Variants in MET observed in about 807,000 individuals in gnomAD.
MET encodes MET proto-oncogene, receptor tyrosine kinase, also known as hepatocyte growth factor receptor.
Under a neutral mutation model 133.1 loss-of-function variants are expected in MET, and 48 were observed. The ratio of observed to expected loss-of-function variants is 0.36; its 90% CI spans 0.29 to 0.46. The LOEUF (loss-of-function observed/expected upper bound fraction) is 0.46, where lower values mean the gene tolerates loss of function less well. MET is among the 20% of genes least tolerant of loss of function. MET has a pLI of 1.00. For synonymous variants in MET, 628 were observed against 616.5 expected (o/e 1.02, Z -0.28); for missense variants, 1,442 against 1,695.9 (o/e 0.85, Z 2.63).
intron 1 of MET, among the ~76,000 whole-genome samples, chr7:116,672,778 T>C (rs2116419084): frequency 6.6e-6 from 1 of 152,164 alleles, no homozygotes; most frequent in South Asian, 2.1e-4. Context: ...TTTAGGGGGT[T>C]GCTTCTGATG....
At chr7:116,702,669 C>A (rs1324090725) in intron 2 of MET, among the ~76,000 whole-genome samples, 1 of 152,136 alleles carries the variant, frequency 6.6e-6, no homozygotes. Flanking sequence ...TGAAAAGACA[C>A]ACATATTGTA....
intron 1 of MET, 111 bp downstream of exon 1, chr7:116,672,688 A>C: frequency 2.7e-6 from 1 of 372,158 alleles, no homozygotes; most frequent in Non-Finnish European, 4.8e-6. Context: ...AAAACCACGT[A>C]GGTGGGCTAG....
At chr7:116,681,584 G>A (rs991186035) in intron 1 of MET, among the ~76,000 whole-genome samples, 5 of 152,090 alleles carry the variant, frequency 3.3e-5, no homozygotes, top group African/African-American at 4.8e-5. Flanking sequence ...TTCTAAATAC[G>A]AATTTAGACA....
rs781777052 is a variant in MET at position 116,699,121 on chromosome 7, G to A, written c.37G>A (p.Val13Met). The stretch of plus-strand genomic sequence containing the variant: ...CGCTGTGCTTGCACCTGGCATCCTC[G>A]TGCTCCTGTTTACCTTGGTGCAGAG... The part of the protein sequence containing the change: ...APAVLAPGIL[V>M]LLFTLVQRSN... Residue 13 changes from valine (V) to methionine (M), a missense_variant, in exon 2 of 21, where the codon GTG becomes ATG. Val to Met is a conservative substitution (Grantham distance 21). This residue lies in a region of MET where 762 missense variants were observed against 792.4 expected (regional missense o/e 0.96). Coordinates refer to ENST00000397752, the MANE Select transcript of MET (RefSeq NM_000245.4). 39 of 1,613,702 alleles carry A rather than the reference G, an allele frequency of 2.4e-5. No individual in the cohort carries two copies. The highest frequency in any genetic ancestry group is 3.3e-5 in the Admixed American group (2 of 59,956).
At chr7:116,682,586 T>A (rs1272870635) in intron 1 of MET, among the ~76,000 whole-genome samples, 3 of 152,224 alleles carry the variant, frequency 2.0e-5, no homozygotes, top group Non-Finnish European at 4.4e-5. Context: ...ACTGAGTTCA[T>A]AATTATGTAA....
intron 5 of MET, among the ~76,000 whole-genome samples, chr7:116,741,663 G>A (rs1235537330): frequency 6.6e-6 from 1 of 152,152 alleles, no homozygotes; most frequent in East Asian, 1.9e-4. Context: ...ACACCCATGG[G>A]TGGCTGTGAG....
chr7:116,779,350 C>A (rs1330062336), intron 17 of MET, among the ~76,000 whole-genome samples: 1 of 152,200 alleles, frequency 6.6e-6, no homozygotes, highest in Non-Finnish European at 1.5e-5. Flanking sequence ...CCTTGCTGTT[C>A]CTTGTCCTTG....
chr7:116,726,788 G>C (rs556438585), intron 2 of MET, among the ~76,000 whole-genome samples: 4 of 152,200 alleles, frequency 2.6e-5, no homozygotes, highest in Non-Finnish European at 5.9e-5. Context: ...TTTCCTGCAG[G>C]CCTTTGGGAA....
intron 2 of MET, among the ~76,000 whole-genome samples, chr7:116,707,669 A>G (rs1472908014): frequency 1.3e-5 from 2 of 152,182 alleles, no homozygotes; most frequent in African/African-American, 4.8e-5. Context: ...AGGTGAAGTC[A>G]TGCTCAGGAA....
chr7:116,741,630 T>C (rs1398685464), intron 5 of MET, among the ~76,000 whole-genome samples: 1 of 152,084 alleles, frequency 6.6e-6, no homozygotes, highest in Non-Finnish European at 1.5e-5. Flanking sequence ...CGGGGTGAGG[T>C]GGGCAAGGCA....
chr7:116,760,030 GC>G (rs1476962956), intron 10 of MET, among the ~76,000 whole-genome samples: 1 of 152,150 alleles, frequency 6.6e-6, no homozygotes, highest in Non-Finnish European at 1.5e-5. Context: ...GCCCACCTCG[GC>G]CTCCCAAAGT....
At chr7:116,735,768 G>A (rs917949465) in intron 3 of MET, among the ~76,000 whole-genome samples, 1 of 140,102 alleles carries the variant, frequency 7.1e-6, no homozygotes. Context: ...CCTAAAGAAT[G>A]TTAGCTTTGG....
intron 1 of MET, among the ~76,000 whole-genome samples, chr7:116,693,154 G>C (rs998722895): frequency 6.6e-6 from 1 of 152,218 alleles, no homozygotes; most frequent in East Asian, 1.9e-4. Flanking sequence ...CAAGTCAATG[G>C]CATTGGTGTA....
At chr7:116,785,081 T>C (rs1264955778) in intron 19 of MET, among the ~76,000 whole-genome samples, 5 of 152,184 alleles carry the variant, frequency 3.3e-5, no homozygotes, top group Non-Finnish European at 5.9e-5. Context: ...TCCAAAATAA[T>C]TTTTTTGACT....
intron 4 of MET, among the ~76,000 whole-genome samples, chr7:116,740,556 T>C (rs939788470): frequency 6.6e-6 from 1 of 152,228 alleles, no homozygotes; most frequent in Non-Finnish European, 1.5e-5. Flanking sequence ...TATTTTAAAA[T>C]CATCTCAGAC....
In MET at chr7:116,684,849, G is replaced by A. The variant is rs193248311; in HGVS notation, c.-15+12272G>A. On this transcript the variant is annotated intron_variant, in intron 1 of 20. Transcript: ENST00000397752. ...AAGAAGTGACATAGTCAAATTGTCAGTTTAGAAAGATATCTCTGGTATGCT... is the reference window on the plus strand; with the variant it reads ...AAGAAGTGACATAGTCAAATTGTCAATTTAGAAAGATATCTCTGGTATGCT... 3.4e-3 allele frequency among the ~76,000 whole-genome samples: 525 copies of A among 152,294 alleles called. 3 individuals are homozygous for A. The highest frequency in any genetic ancestry group is 0.012 in the African/African-American group (501 of 41,556).
At chr7:116,755,032 GAAAGAAAGA>G (rs1283768274) in intron 5 of MET, among the ~76,000 whole-genome samples, 5 of 151,290 alleles carry the variant, frequency 3.3e-5, no homozygotes, top group African/African-American at 7.3e-5. Context: ...AAGAAAGAAA[GAAAGAAAGA>G]AAAGAAAGAA....
At chr7:116,775,950 A>G (rs1474469603) in intron 15 of MET, among the ~76,000 whole-genome samples, 1 of 152,196 alleles carries the variant, frequency 6.6e-6, no homozygotes, top group African/African-American at 2.4e-5. Flanking sequence ...AGATAAATGA[A>G]TATTTGTAAT....
At chr7:116,722,747 G>A (rs1208284007) in intron 2 of MET, among the ~76,000 whole-genome samples, 1 of 151,450 alleles carries the variant, frequency 6.6e-6, no homozygotes, top group Non-Finnish European at 1.5e-5. Flanking sequence ...ATGAAGCTTA[G>A]TTTGGCTGGA....
Sources: allele counts gnomAD v4.1 joint callset (sites outside exome capture counted in the v4.1 genomes callset), GRCh38; gene constraint gnomAD v4.1.1; regional missense constraint gnomAD v4.1.1; transcripts MANE v1.5; gene names NCBI Gene and HGNC (gene_info 2026-07-23, HGNC 2026-07-21).